The following ARID4B variants were observed in gnomAD, a reference collection of about 807,000 sequenced individuals.
ARID4B encodes AT-rich interactive domain-containing protein 4B.
In ARID4B, 26 loss-of-function variants were observed where a neutral mutation model predicts 147.5. The ratio of observed to expected loss-of-function variants is 0.18; its 90% CI spans 0.13 to 0.24. The LOEUF is 0.24. Among genes scored for constraint, ARID4B ranks in the 10% least tolerant of loss-of-function variants. The probability of loss-of-function intolerance (pLI) is 1.00; values close to 1 mark genes in which losing one functional copy is unlikely to be tolerated. For synonymous variants in ARID4B, 512 were observed against 507.9 expected, an observed-to-expected ratio of 1.01 and a Z score of -0.11; for missense variants, 1,179 against 1,511.5, an observed-to-expected ratio of 0.78 and a Z score of 3.65.
intron 17 of ARID4B, among the ~76,000 whole-genome samples, chr1:235,200,611 C>T (rs977187650): frequency 6.6e-6 from 1 of 151,910 alleles, no homozygotes; most frequent in Non-Finnish European, 1.5e-5. Context: ...CAAGATTTCT[C>T]ATTCCTTACC....
At chr1:235,307,456 A>G (rs558376643) in intron 2 of ARID4B, among the ~76,000 whole-genome samples, 1 of 152,350 alleles carries the variant, frequency 6.6e-6, no homozygotes, top group Admixed American at 6.5e-5. Context: ...TTACAAAAAA[A>G]GAAAAAGGAA....
intron 22 of ARID4B, 97 bp from the exon 23 acceptor site, chr1:235,172,861 G>A: frequency 1.9e-6 from 2 of 1,033,256 alleles, no homozygotes; most frequent in Non-Finnish European, 2.6e-6. Flanking sequence ...ATAAGGTTGA[G>A]GCAGATGAAC....
At chr1:235,298,609 A>G (rs966125261) in intron 2 of ARID4B, among the ~76,000 whole-genome samples, 6 of 150,034 alleles carry the variant, frequency 4.0e-5, no homozygotes, top group Non-Finnish European at 8.9e-5. Flanking sequence ...ATATATCCAT[A>G]TATATGAAAA....
intron 18 of ARID4B, among the ~76,000 whole-genome samples, 193 bp downstream of exon 18, chr1:235,195,838 A>G (rs1665456619): frequency 6.6e-6 from 1 of 152,176 alleles, no homozygotes; most frequent in South Asian, 2.1e-4. Context: ...TGGGACTGAA[A>G]AAGTCTCAAA....
At chr1:235,289,136 G>A (rs1050696671) in intron 2 of ARID4B, among the ~76,000 whole-genome samples, 2 of 152,168 alleles carry the variant, frequency 1.3e-5, no homozygotes, top group Non-Finnish European at 2.9e-5. Flanking sequence ...ACAGATGCAA[G>A]TCAGTAGGTC....
intron 2 of ARID4B, among the ~76,000 whole-genome samples, chr1:235,274,207 G>C (rs1671165408): frequency 6.6e-6 from 1 of 151,276 alleles, no homozygotes; most frequent in African/African-American, 2.4e-5. Context: ...ATACAAAAAA[G>C]CTACTAAAAT....
chr1:235,236,607 G>A (rs979302952), intron 8 of ARID4B, among the ~76,000 whole-genome samples: 27 of 150,254 alleles, frequency 1.8e-4, no homozygotes, highest in African/African-American at 6.1e-4. Context: ...TCCACCTCCC[G>A]TGTTCAAGCA....
chr1:235,231,828 C>T (rs1187631728), intron 9 of ARID4B, among the ~76,000 whole-genome samples: 1 of 152,166 alleles, frequency 6.6e-6, no homozygotes, highest in East Asian at 1.9e-4. Flanking sequence ...ATGTTTGGGG[C>T]CAGCCATGGT....
chr1:235,294,113 G>A (rs60033937), intron 2 of ARID4B, among the ~76,000 whole-genome samples: 6,060 of 151,722 alleles, frequency 0.04, 450 homozygotes, highest in African/African-American at 0.14. Flanking sequence ...ATTATAAAAC[G>A]CAATATATAA....
chr1:235,198,316 ATAG>A lies in ARID4B; in HGVS notation c.1842-2204_1842-2202del, dbSNP rs1335996557. Among the ~76,000 whole-genome samples, 6 of 152,290 alleles carry A rather than the reference ATAG, an allele frequency of 3.9e-5. No individual in the cohort carries two copies. The East Asian group carries it at 7.7e-4, about 20-fold the overall frequency. On this transcript the variant is annotated intron_variant, in intron 17 of 23. Coordinates refer to ENST00000264183, the MANE Select transcript of ARID4B (RefSeq NM_016374.6). ...CAATTATATTTTGAAGTAGGGTAAA[ATAG>A]TAGTTTTCAATTTAAGAATACATGC...
Position 235,323,146 on chromosome 1 carries a change from T to A in ARID4B, c.6+3768A>T, listed in dbSNP as rs1239674775. ...ACCTCCACCTCCTAGGTTCAAGCGA[T>A]CCTACCTCAGTCTCCTGAGTAGCTG... On this transcript the variant is annotated intron_variant, in intron 2 of 23. Transcript: ENST00000264183. 2.0e-5 allele frequency among the ~76,000 whole-genome samples: 3 copies of A among 151,530 alleles called. No individual in the cohort carries two copies. The East Asian group carries it at 5.9e-4, about 30-fold the overall frequency.
chr1:235,271,455 C>T (rs761265330), intron 2 of ARID4B, among the ~76,000 whole-genome samples: 5 of 151,702 alleles, frequency 3.3e-5, no homozygotes, highest in Non-Finnish European at 5.9e-5. Context: ...CATGGTGAAA[C>T]CCAGTCTCTA....
At chr1:235,257,038 T>C in intron 4 of ARID4B, 122 bp downstream of exon 4, 1 of 729,522 alleles carries the variant, frequency 1.4e-6, no homozygotes, top group Non-Finnish European at 2.3e-6. Flanking sequence ...CTATTAGTCT[T>C]TTTAGAGAAA....
intron 19 of ARID4B, chr1:235,190,105 T>G (rs547986869): frequency 6.5e-6 from 1 of 154,266 alleles, no homozygotes. Flanking sequence ...TCCTTTGGCC[T>G]TGTGTAGATA....
At chr1:235,327,145 A>C in intron 1 of ARID4B, 177 bp from the exon 2 acceptor site, 1 of 573,214 alleles carries the variant, frequency 1.7e-6, no homozygotes. Context: ...CATCCCCGCA[A>C]ACCCAACCAC....
chr1:235,248,288 C>T (rs1463036095), intron 6 of ARID4B, among the ~76,000 whole-genome samples: 1 of 152,064 alleles, frequency 6.6e-6, no homozygotes, highest in African/African-American at 2.4e-5. Context: ...GGGCTCAAGC[C>T]ATCTGCCCAA....
chr1:235,188,766 C>T lies in ARID4B; in HGVS notation c.2125+5247G>A, dbSNP rs1013517584. ...AGTCTAAGAGAAAAAGACCTAAAGACTTCATATTATGAATTCCCTAGGACA... is the reference window on the plus strand; with the variant it reads ...AGTCTAAGAGAAAAAGACCTAAAGATTTCATATTATGAATTCCCTAGGACA... On this transcript the variant is annotated intron_variant, in intron 19 of 23. Transcript: ENST00000264183. 1.3e-3 allele frequency among the ~76,000 whole-genome samples: 193 copies of T among 152,254 alleles called. 1 individual carries two copies. The highest frequency in any genetic ancestry group is 4.5e-3 in the African/African-American group (189 of 41,544).
At chr1:235,280,555 G>A (rs1463016763) in intron 2 of ARID4B, among the ~76,000 whole-genome samples, 2 of 152,246 alleles carry the variant, frequency 1.3e-5, no homozygotes, top group African/African-American at 2.4e-5. Context: ...CCACGCAAAC[G>A]GCTCCTGCCA....
chr1:235,196,017 AAAC>A lies in ARID4B; in HGVS notation c.1926+11_1926+13del. 1 of 1,549,260 alleles carries A rather than the reference AAAC, an allele frequency of 6.5e-7. No homozygotes were observed. On this transcript the variant is annotated intron_variant, in intron 18 of 23. Transcript: ENST00000264183. ...TTTAAGAGCTAATAGTGTGTAGTAA[AAAC>A]AAGCACTTACCTTTATTTTCTTCCG...
Sources: allele counts gnomAD v4.1 joint callset (sites outside exome capture counted in the v4.1 genomes callset), GRCh38; gene constraint gnomAD v4.1.1; transcripts MANE v1.5; gene names NCBI Gene and HGNC (gene_info 2026-07-23, HGNC 2026-07-21).